Variants in TMOD3 observed in about 807,000 individuals in gnomAD.
TMOD3 encodes tropomodulin 3.
In TMOD3, 20 loss-of-function variants were observed where a neutral mutation model predicts 39.2. The observed-to-expected ratio is 0.51, with a 90% confidence interval of 0.36 to 0.74. The LOEUF (loss-of-function observed/expected upper bound fraction) is 0.74. TMOD3 is among the 30% of genes least tolerant of loss of function. The pLI is 0.00. For missense variants in TMOD3, 381 were observed against 412.8 expected (o/e 0.92, Z 0.67); for synonymous variants, 143 against 145.8 (o/e 0.98, Z 0.14).
intron 3 of TMOD3, among the ~76,000 whole-genome samples, chr15:51,886,436 G>A (rs942385258): frequency 2.6e-5 from 4 of 152,260 alleles, no homozygotes; most frequent in Non-Finnish European, 4.4e-5. Context: ...AGGCCGAGGC[G>A]GGCAGATCAC....
chr15:51,893,670 CAGG>C (rs1448206473), intron 5 of TMOD3, 142 bp from the exon 6 acceptor site: 10 of 624,120 alleles, frequency 1.6e-5, no homozygotes, highest in Non-Finnish European at 2.3e-5. Context: ...GAGGCTGAGG[CAGG>C]AGAATGGCTT....
At position 51,884,215 on chromosome 15, in the gene TMOD3, A is replaced by C. The variant is rs536799007; in HGVS notation, c.284-3374A>C. On this transcript the variant is annotated intron_variant, in intron 3 of 9. Transcript: ENST00000308580. The stretch of plus-strand genomic sequence containing the variant: ...AAATTACACTTTATGAAATGGGGCC[A>C]TTGGACTGAAGGTGATCACCAAATT... 2.6e-5 allele frequency among the ~76,000 whole-genome samples: 4 copies of C among 152,206 alleles called. No homozygotes were observed. In the South Asian group the frequency reaches 8.3e-4, roughly 32 times the overall value.
chr15:51,856,845 C>G lies in TMOD3; in HGVS notation c.-74-5966C>G, dbSNP rs74334777. 1.4e-3 allele frequency among the ~76,000 whole-genome samples: 213 copies of G among 152,286 alleles called. 10 individuals are homozygous for G. Among genetic ancestry groups the G allele is most frequent in the East Asian group, 9.6e-3 (50 of 5,182 alleles). The stretch of plus-strand genomic sequence containing the variant: ...CTGGGAATGTTAATTCAAGCAATCA[C>G]TTTGAAAATAGTTTGGGATTACCTA... On this transcript the variant is annotated intron_variant, in intron 1 of 9. Coordinates refer to ENST00000308580, the MANE Select transcript of TMOD3 (RefSeq NM_014547.5).
chr15:51,837,822 C>T (rs2056294083), intron 1 of TMOD3, among the ~76,000 whole-genome samples: 1 of 152,184 alleles, frequency 6.6e-6, no homozygotes, highest in African/African-American at 2.4e-5. Context: ...GTGTGCCCTC[C>T]ACCAGAGAAT....
At position 51,911,518 on chromosome 15, in the gene TMOD3, T is replaced by C. The variant is rs963033094; in HGVS notation, c.*2708T>C. ...GTAACTTTCAGTATTTCTAAATTGC[T>C]CTAAAATTTTATAATAAATAGATTA... On this transcript the variant is annotated 3_prime_UTR_variant, in exon 10 of 10. Coordinates refer to ENST00000308580, the MANE Select transcript of TMOD3 (RefSeq NM_014547.5). 1.3e-5 allele frequency: 2 copies of C among 152,222 alleles called. No homozygotes were observed. The highest frequency in any genetic ancestry group is 2.4e-5 in the African/African-American group (1 of 41,474). 9.4% of individuals were successfully genotyped at this position (152,222 alleles called of 1,614,324 possible). A position where few individuals can be genotyped will look rare whatever the true frequency, so the allele number is the denominator to read the frequency against.
chr15:51,887,004 A>G (rs1300695014), intron 3 of TMOD3, among the ~76,000 whole-genome samples: 1 of 151,958 alleles, frequency 6.6e-6, no homozygotes, highest in African/African-American at 2.4e-5. Flanking sequence ...GGATCACCTT[A>G]GGTCAGTAGT....
At chr15:51,891,005 A>G (rs1408568384) in intron 5 of TMOD3, among the ~76,000 whole-genome samples, 1 of 152,132 alleles carries the variant, frequency 6.6e-6, no homozygotes, top group African/African-American at 2.4e-5. Flanking sequence ...AAATATTTCC[A>G]TATGTGTGTC....
intron 1 of TMOD3, among the ~76,000 whole-genome samples, chr15:51,848,594 G>A (rs2056346871): frequency 6.6e-6 from 1 of 152,180 alleles, no homozygotes; most frequent in Non-Finnish European, 1.5e-5. Context: ...TTTAATTGAA[G>A]TAAATTGAAG....
At chr15:51,868,657 C>A (rs893342923) in intron 2 of TMOD3, among the ~76,000 whole-genome samples, 6 of 152,142 alleles carry the variant, frequency 3.9e-5, no homozygotes, top group Non-Finnish European at 8.8e-5. Context: ...TAGTAGAATC[C>A]TCTCTGAAGA....
chr15:51,860,758 A>G, intron 1 of TMOD3: 1 of 371,380 alleles, frequency 2.7e-6, no homozygotes, highest in Admixed American at 3.7e-5. Context: ...CAACAAGGTG[A>G]AACCCCGTCT....
chr15:51,862,892 T>C lies in TMOD3; in HGVS notation c.8T>C (p.Leu3Pro), dbSNP rs1566857274. 1.9e-6 allele frequency: 3 copies of C among 1,613,578 alleles called. No individual in the cohort carries two copies. The highest frequency in any genetic ancestry group is 2.2e-5 in the East Asian group (1 of 44,864). MA[L>P]PFRKDLEKYK... is the part of the protein sequence containing the mutation. ...CTTGCTGCCCTGCACATCATGGCACTGCCATTCCGTAAGGACTTAGAAAAG... is the reference window on the plus strand; with the variant it reads ...CTTGCTGCCCTGCACATCATGGCACCGCCATTCCGTAAGGACTTAGAAAAG... The change falls in exon 2 of 10, where the codon CTG becomes CCG. Residue 3 changes from leucine to proline, a missense_variant. Transcript: ENST00000308580.
chr15:51,842,474 A>T (rs184825893), intron 1 of TMOD3, among the ~76,000 whole-genome samples: 4 of 152,162 alleles, frequency 2.6e-5, no homozygotes, highest in East Asian at 1.9e-4. Flanking sequence ...GTGTTCCAAA[A>T]ATTGCTTATG....
intron 7 of TMOD3, 90 bp from the exon 8 acceptor site, chr15:51,900,065 A>AT: frequency 8.3e-7 from 1 of 1,205,900 alleles, no homozygotes; most frequent in African/African-American, 1.5e-5. Context: ...ACATTAAGGC[A>AT]GTTAATTAAT....
intron 2 of TMOD3, among the ~76,000 whole-genome samples, chr15:51,864,448 G>A (rs746973556): frequency 6.6e-6 from 1 of 152,080 alleles, no homozygotes; most frequent in Non-Finnish European, 1.5e-5. Context: ...GTTTTAAAAT[G>A]TTCCTAGGAT....
At chr15:51,865,305 T>C (rs1408961383) in intron 2 of TMOD3, among the ~76,000 whole-genome samples, 1 of 152,214 alleles carries the variant, frequency 6.6e-6, no homozygotes, top group Non-Finnish European at 1.5e-5. Context: ...TTCAGAAACA[T>C]TGATCTAGTT....
intron 3 of TMOD3, among the ~76,000 whole-genome samples, chr15:51,887,026 C>G (rs1309105625): frequency 6.6e-6 from 1 of 151,944 alleles, no homozygotes; most frequent in Non-Finnish European, 1.5e-5. Flanking sequence ...TGAGACCAGC[C>G]TGGCCAACAT....
intron 1 of TMOD3, among the ~76,000 whole-genome samples, chr15:51,853,454 G>C (rs1384080737): frequency 6.6e-6 from 1 of 152,126 alleles, no homozygotes; most frequent in Non-Finnish European, 1.5e-5. Context: ...TCCCTCCTTG[G>C]CTTCCCAAAG....
At position 51,912,454 on chromosome 15, in the gene TMOD3, A is replaced by G. The variant is rs569046198; in HGVS notation, c.*3644A>G. 1.4e-5 allele frequency: 2 copies of G among 144,226 alleles called. No individual in the cohort carries two copies. The highest frequency in any genetic ancestry group is 2.2e-4 in the South Asian group (1 of 4,512). The allele number at this position is 144,226 out of a possible 1,614,324, so 8.9% of individuals were successfully genotyped here. On this transcript the variant is annotated 3_prime_UTR_variant, in exon 10 of 10. Transcript: ENST00000308580. ...AAAAAAAAAAAATTTTTTTTTTTTT[A>G]TAAAATGTTACTCATATCATATTGT...
At chr15:51,842,017 C>G (rs1233678956) in intron 1 of TMOD3, among the ~76,000 whole-genome samples, 3 of 152,160 alleles carry the variant, frequency 2.0e-5, no homozygotes, top group East Asian at 3.9e-4. Flanking sequence ...CTCAAGTGAT[C>G]CACCCACCTT....
Sources: allele counts gnomAD v4.1 joint callset (sites outside exome capture counted in the v4.1 genomes callset), GRCh38; gene constraint gnomAD v4.1.1; transcripts MANE v1.5; gene names NCBI Gene and HGNC (gene_info 2026-07-23, HGNC 2026-07-21).